TMPRSS11F: variants seen among roughly 807,000 people sequenced by gnomAD.
The protein encoded by TMPRSS11F is transmembrane serine protease 11F.
Under a neutral mutation model 60.2 loss-of-function variants are expected in TMPRSS11F, and 47 were observed. That is an observed-to-expected ratio of 0.78 (90% confidence interval 0.62 to 1.00). The LOEUF is 1.00. Among genes scored for constraint, TMPRSS11F ranks in the 50% least tolerant of loss-of-function variants. TMPRSS11F has a pLI of 0.00. For missense variants in TMPRSS11F, 519 were observed against 522.9 expected, an observed-to-expected ratio of 0.99 and a Z score of 0.07; for synonymous variants, 166 against 167.3, an observed-to-expected ratio of 0.99 and a Z score of 0.06.
chr4:68,065,377 C>CT (rs1397174589), intron 7 of TMPRSS11F, among the ~76,000 whole-genome samples: 6 of 152,146 alleles, frequency 3.9e-5, no homozygotes, highest in African/African-American at 1.4e-4. Context: ...AATTTGTCTG[C>CT]TTTGCAAACC....
intron 7 of TMPRSS11F, among the ~76,000 whole-genome samples, chr4:68,066,852 T>C (rs1309103231): frequency 6.7e-6 from 1 of 148,744 alleles, no homozygotes; most frequent in Non-Finnish European, 1.5e-5. Context: ...GAGAATGGCG[T>C]GAACCCGGGA....
intron 1 of TMPRSS11F, among the ~76,000 whole-genome samples, chr4:68,116,159 T>A (rs896851654): frequency 5.9e-5 from 9 of 152,090 alleles, no homozygotes; most frequent in African/African-American, 2.2e-4. Context: ...GTAGAAAATA[T>A]TTCTTACCTT....
At chr4:68,078,619 T>A (rs569394545) in intron 3 of TMPRSS11F, among the ~76,000 whole-genome samples, 25 of 152,310 alleles carry the variant, frequency 1.6e-4, no homozygotes, top group African/African-American at 6.0e-4. Flanking sequence ...ATTAATGAAT[T>A]AAGAATCAAC....
At chr4:68,125,803 T>C (rs916424598) in intron 1 of TMPRSS11F, among the ~76,000 whole-genome samples, 2 of 152,186 alleles carry the variant, frequency 1.3e-5, no homozygotes, top group Admixed American at 6.5e-5. Context: ...ATTTGTTTTA[T>C]AGTGTTAAGA....
At chr4:68,094,677 G>T (rs912386219) in intron 2 of TMPRSS11F, among the ~76,000 whole-genome samples, 1 of 152,076 alleles carries the variant, frequency 6.6e-6, no homozygotes, top group African/African-American at 2.4e-5. Flanking sequence ...ATTCCTGGAA[G>T]TGGATCCAGC....
chr4:68,069,648 T>C (rs79903139), intron 6 of TMPRSS11F, among the ~76,000 whole-genome samples: 1,729 of 152,068 alleles, frequency 0.011, 37 homozygotes, highest in African/African-American at 0.039. Context: ...GCCTAAATGT[T>C]ACCAGTTTAA....
chr4:68,090,821 A>T (rs1168780271), intron 2 of TMPRSS11F, among the ~76,000 whole-genome samples, 180 bp from the exon 3 acceptor site: 1 of 152,162 alleles, frequency 6.6e-6, no homozygotes. Context: ...TGGTTAAAAT[A>T]AAAAATTCTG....
intron 3 of TMPRSS11F, among the ~76,000 whole-genome samples, chr4:68,083,330 C>T (rs1301343388): frequency 6.6e-6 from 1 of 152,132 alleles, no homozygotes; most frequent in African/African-American, 2.4e-5. Flanking sequence ...AGGGGGCCCC[C>T]TAAGGCACAG....
At chr4:68,059,613 T>C (rs1467236582) in intron 8 of TMPRSS11F, 145 bp from the exon 9 acceptor site, 1 of 803,944 alleles carries the variant, frequency 1.2e-6, no homozygotes, top group Admixed American at 2.9e-5. Context: ...GTCATAAATG[T>C]CTACATGCAA....
At chr4:68,124,767 T>TA (rs869131804) in intron 1 of TMPRSS11F, among the ~76,000 whole-genome samples, 12 of 72,460 alleles carry the variant, frequency 1.7e-4, no homozygotes, top group African/African-American at 6.0e-4. Context: ...CTAGATTTTG[T>TA]TTTTTTCTTT....
chr4:68,079,200 C>T (rs1452571103), intron 3 of TMPRSS11F, among the ~76,000 whole-genome samples: 1 of 151,672 alleles, frequency 6.6e-6, no homozygotes, highest in Non-Finnish European at 1.5e-5. Flanking sequence ...TCATTCTCAT[C>T]AGCTCCATTT....
intron 8 of TMPRSS11F, 25 bp from the exon 9 acceptor site, chr4:68,059,493 CAAAT>C (rs770033199): frequency 3.8e-6 from 6 of 1,594,762 alleles, no homozygotes; most frequent in Admixed American, 3.4e-5. Flanking sequence ...GATAAAAAAA[CAAAT>C]AAACAGTATT....
Position 68,059,674 on chromosome 4 carries a change from C to T in TMPRSS11F, c.1016-206G>A, listed in dbSNP as rs75637258. Among the ~76,000 whole-genome samples the T allele has an allele frequency of 4.0e-3, 608 of 152,112 alleles. 4 individuals are homozygous for T. The highest frequency in any genetic ancestry group is 0.014 in the African/African-American group (579 of 41,476). The stretch of plus-strand genomic sequence containing the variant: ...TATTATATCACATTTGTAGATCTTT[C>T]AAGGATATTAGGAGCCTTAAAACTA... On this transcript the variant is annotated intron_variant, in intron 8 of 9. Coordinates refer to ENST00000356291, the MANE Select transcript of TMPRSS11F (RefSeq NM_207407.2).
intron 8 of TMPRSS11F, among the ~76,000 whole-genome samples, chr4:68,063,673 C>T (rs1170456125): frequency 6.6e-6 from 1 of 152,164 alleles, no homozygotes; most frequent in East Asian, 1.9e-4. Context: ...GCCATCACCG[C>T]TGGCCTAATC....
At chr4:68,119,199 T>C (rs1006165284) in intron 1 of TMPRSS11F, among the ~76,000 whole-genome samples, 6 of 152,052 alleles carry the variant, frequency 3.9e-5, no homozygotes, top group East Asian at 1.9e-4. Flanking sequence ...TTAATTCTTT[T>C]ATTCTATAAA....
Position 68,059,359 on chromosome 4 carries a change from A to G in TMPRSS11F, c.1125T>C (p.Ala375=). 1.2e-6 allele frequency: 2 copies of G among 1,613,902 alleles called. No homozygotes were observed. Among genetic ancestry groups the G allele is most frequent in the Non-Finnish European group, 1.7e-6 (2 of 1,179,958 alleles). Residue 375 remains alanine (A), a synonymous_variant, in exon 9 of 10, where the codon GCT becomes GCC. Coordinates refer to ENST00000356291, the MANE Select transcript of TMPRSS11F (RefSeq NM_207407.2). Reference sequence around the variant, plus strand: ...CATCTATTTTTCCTTCCATGAATCCAGCACATAACATTCCTGGAGTTATCA... The same window carrying G: ...CATCTATTTTTCCTTCCATGAATCCGGCACATAACATTCCTGGAGTTATCA... The part of the protein sequence containing the change: ...DGLITPGMLC[A]GFMEGKIDAC...
chr4:68,116,071 T>C (rs772369963), intron 1 of TMPRSS11F, among the ~76,000 whole-genome samples: 200 of 152,026 alleles, frequency 1.3e-3, no homozygotes, highest in Middle Eastern at 0.01. Flanking sequence ...TCTAGAATTG[T>C]TTCTTTCTTT....
chr4:68,116,229 G>GT (rs1035743043), intron 1 of TMPRSS11F, among the ~76,000 whole-genome samples: 4 of 152,068 alleles, frequency 2.6e-5, no homozygotes, highest in East Asian at 1.9e-4. Context: ...AACAGTTTTT[G>GT]TTTTTTTCCC....
chr4:68,081,177 C>G (rs568684840), intron 3 of TMPRSS11F, among the ~76,000 whole-genome samples: 3 of 152,260 alleles, frequency 2.0e-5, no homozygotes, highest in African/African-American at 7.2e-5. Context: ...AGAAATGAGA[C>G]TAGAAAGTTT....
Sources: gnomAD v4.1 joint callset for allele counts (sites outside exome capture counted in the v4.1 genomes callset) on GRCh38, gnomAD v4.1.1 for gene constraint, MANE v1.5 for transcripts, NCBI Gene and HGNC (gene_info 2026-07-23, HGNC 2026-07-21) for gene names.